Variants in CRY1 observed in about 807,000 individuals in gnomAD.
The protein encoded by CRY1 is cryptochrome circadian regulator 1.
A neutral mutation model predicts 76.0 loss-of-function variants in CRY1; 45 were observed. That is an observed-to-expected ratio of 0.59 (90% CI 0.47 to 0.76). The LOEUF is 0.76. CRY1 is among the 30% of genes least tolerant of loss of function. The pLI is 0.00. For synonymous variants in CRY1, 248 were observed against 244.0 expected (o/e 1.02, Z -0.15); for missense variants, 587 against 716.4 (o/e 0.82, Z 2.06).
intron 1 of CRY1, among the ~76,000 whole-genome samples, chr12:107,090,777 T>G (rs1953460694): frequency 6.6e-6 from 1 of 152,206 alleles, no homozygotes; most frequent in South Asian, 2.1e-4. Flanking sequence ...CCTGCCTGGA[T>G]CTCTGTCTTG....
chr12:107,082,904 G>C (rs1486567402), intron 1 of CRY1, among the ~76,000 whole-genome samples: 1 of 152,060 alleles, frequency 6.6e-6, no homozygotes, highest in Non-Finnish European at 1.5e-5. Context: ...AATGAATCCA[G>C]GAGCTGGTTT....
At position 106,992,912 on chromosome 12, in the gene CRY1, G is replaced by A. The variant is rs762259119; in HGVS notation, c.1658-22C>T. 2.5e-6 allele frequency: 4 copies of A among 1,613,738 alleles called. No individual in the cohort carries two copies. The highest frequency in any genetic ancestry group is 3.4e-6 in the Non-Finnish European group (4 of 1,179,774). Reference sequence around the variant, plus strand: ...CTTCCTGCACATTTAAAAAATGTATGTTTAAGATAGGAAAAGGAAAAAGAA... The same window carrying A: ...CTTCCTGCACATTTAAAAAATGTATATTTAAGATAGGAAAAGGAAAAAGAA... On this transcript the variant is annotated intron_variant, in intron 11 of 12. Transcript: ENST00000008527.
chr12:106,994,255 G>A (rs1593489364), intron 10 of CRY1, among the ~76,000 whole-genome samples: 1 of 152,144 alleles, frequency 6.6e-6, no homozygotes, highest in Non-Finnish European at 1.5e-5. Flanking sequence ...CCCAAGCCGT[G>A]TCTTTTCACA....
Position 107,005,242 on chromosome 12 carries a change from T to C in CRY1, c.274A>G (p.Asn92Asp). The stretch of plus-strand genomic sequence containing the variant: ...TACTCAATTGAAAGTTTAGTAATGT[T>C]CCATTCCTAAAGTAAGAGAAAGGGG... ...DVFPRLFKEW[N>D]ITKLSIEYDS... Residue 92 changes from asparagine to aspartate, a missense_variant, in exon 3 of 13, where the codon AAC becomes GAC. Coordinates refer to ENST00000008527, the MANE Select transcript of CRY1 (RefSeq NM_004075.5). The C allele has an allele frequency of 6.2e-7, 1 of 1,610,684 alleles. No individual in the cohort carries two copies. The highest frequency in any genetic ancestry group is 8.5e-7 in the Non-Finnish European group (1 of 1,178,658).
chr12:106,997,403 T>A lies in CRY1; in HGVS notation c.1493-17A>T, dbSNP rs1441409608. On this transcript the variant is annotated splice_polypyrimidine_tract_variant and intron_variant, in intron 9 of 12. Transcript: ENST00000008527. Reference sequence around the variant, plus strand: ...CCAGAAGACCTAAAGGACAAAAAAATTTTCTTTTAAATTATGATCAAGATA... The same window carrying A: ...CCAGAAGACCTAAAGGACAAAAAAAATTTCTTTTAAATTATGATCAAGATA... The A allele has an allele frequency of 2.5e-6, 4 of 1,612,426 alleles. No individual in the cohort carries two copies. The highest frequency in any genetic ancestry group is 3.4e-6 in the Non-Finnish European group (4 of 1,179,346).
intron 2 of CRY1, among the ~76,000 whole-genome samples, chr12:107,017,336 T>C (rs1178566666): frequency 6.6e-6 from 1 of 152,282 alleles, no homozygotes; most frequent in Non-Finnish European, 1.5e-5. Flanking sequence ...CTGTTTCCTC[T>C]GCCTTCCATG....
At chr12:107,028,551 C>T (rs1042342671) in intron 1 of CRY1, among the ~76,000 whole-genome samples, 3 of 152,070 alleles carry the variant, frequency 2.0e-5, no homozygotes, top group South Asian at 2.1e-4. Flanking sequence ...CATTTCCATA[C>T]ACACAATTTT....
At chr12:107,039,517 C>A (rs964718118) in intron 1 of CRY1, among the ~76,000 whole-genome samples, 26 of 152,110 alleles carry the variant, frequency 1.7e-4, no homozygotes, top group African/African-American at 6.0e-4. Context: ...TGCATTTGAA[C>A]AGGCATTTTT....
chr12:107,016,613 T>C (rs1018921971), intron 2 of CRY1, among the ~76,000 whole-genome samples: 1 of 152,304 alleles, frequency 6.6e-6, no homozygotes, highest in East Asian at 1.9e-4. Context: ...TCCTTCTGTT[T>C]CATAACTCTA....
intron 2 of CRY1, among the ~76,000 whole-genome samples, chr12:107,017,758 C>T (rs536631203): frequency 5.9e-5 from 9 of 152,256 alleles, no homozygotes; most frequent in Admixed American, 1.3e-4. Flanking sequence ...TACCTTTTGA[C>T]GGAAAGAGCT....
intron 1 of CRY1, among the ~76,000 whole-genome samples, chr12:107,037,774 T>C (rs1952753035): frequency 6.6e-6 from 1 of 152,128 alleles, no homozygotes; most frequent in African/African-American, 2.4e-5. Context: ...AGTGGCATGA[T>C]CATAGCTCAC....
chr12:107,015,058 A>G (rs1453637373), intron 2 of CRY1, among the ~76,000 whole-genome samples: 1 of 151,966 alleles, frequency 6.6e-6, no homozygotes, highest in Non-Finnish European at 1.5e-5. Context: ...TTGTAGTTTT[A>G]GTAGAGACGG....
At chr12:107,015,288 C>CA (rs1412340535) in intron 2 of CRY1, among the ~76,000 whole-genome samples, 1 of 151,560 alleles carries the variant, frequency 6.6e-6, no homozygotes, top group Admixed American at 6.6e-5. Context: ...ATATGGGAAA[C>CA]AATGATCTAT....
intron 1 of CRY1, among the ~76,000 whole-genome samples, chr12:107,067,835 T>A (rs1397914712): frequency 6.6e-6 from 1 of 152,194 alleles, no homozygotes; most frequent in Non-Finnish European, 1.5e-5. Flanking sequence ...TTCTGACAGA[T>A]GTTCTCAACC....
At position 107,093,007 on chromosome 12, in the gene CRY1, G is replaced by A; in HGVS notation, c.-46C>T. ...CTCCACGGAGAAATTCAAGGAAGGA[G>A]GCTCCGGCTCATAGCCGACACCTTC... On this transcript the variant is annotated 5_prime_UTR_variant, in exon 1 of 13. Coordinates refer to ENST00000008527, the MANE Select transcript of CRY1 (RefSeq NM_004075.5). 1.4e-6 allele frequency: 2 copies of A among 1,476,200 alleles called. No homozygotes were observed. The highest frequency in any genetic ancestry group is 1.8e-6 in the Non-Finnish European group (2 of 1,118,788). 91.4% of individuals were successfully genotyped at this position (1,476,200 alleles called of 1,614,324 possible).
At chr12:107,090,837 A>T (rs1953461498) in intron 1 of CRY1, among the ~76,000 whole-genome samples, 1 of 152,166 alleles carries the variant, frequency 6.6e-6, no homozygotes, top group South Asian at 2.1e-4. Flanking sequence ...TTGAATGTGT[A>T]AAATACATCT....
chr12:107,069,226 A>AT (rs78170490), intron 1 of CRY1, among the ~76,000 whole-genome samples: 86 of 137,826 alleles, frequency 6.2e-4, no homozygotes, highest in East Asian at 8.5e-4. Flanking sequence ...TTCCGTTTAA[A>AT]TTTTTTTTTT....
intron 2 of CRY1, among the ~76,000 whole-genome samples, chr12:107,013,552 G>A (rs988839721): frequency 6.6e-6 from 1 of 152,064 alleles, no homozygotes. Flanking sequence ...TGGTGGTCTC[G>A]AACCAAACTT....
chr12:107,051,456 TA>T (rs909866985), intron 1 of CRY1, among the ~76,000 whole-genome samples: 27 of 152,044 alleles, frequency 1.8e-4, no homozygotes, highest in Non-Finnish European at 3.2e-4. Context: ...TTTCTTGAGT[TA>T]AAAAAAATCA....
Sources: allele counts gnomAD v4.1 joint callset (sites outside exome capture counted in the v4.1 genomes callset), GRCh38; gene constraint gnomAD v4.1.1; transcripts MANE v1.5; gene names NCBI Gene and HGNC (gene_info 2026-07-23, HGNC 2026-07-21).